Variants in ADGRL2 observed in about 807,000 individuals in gnomAD.
The protein encoded by ADGRL2 is calcium-independent alpha-latrotoxin receptor 2.
Under a neutral mutation model 157.4 loss-of-function variants are expected in ADGRL2, and 44 were observed. That is an observed-to-expected ratio of 0.28 (90% CI 0.22 to 0.36). The LOEUF (loss-of-function observed/expected upper bound fraction) is 0.36, where lower values mean the gene tolerates loss of function less well. Ranked by LOEUF, ADGRL2 falls within the 10% of genes least tolerant of loss-of-function variation. The pLI is 1.00. For missense variants in ADGRL2, 1,510 were observed against 1,768.9 expected (o/e 0.85, Z 2.63); for synonymous variants, 585 against 624.7 (o/e 0.94, Z 0.95).
At chr1:81,966,207 T>G in intron 12 of ADGRL2, 24 bp downstream of exon 12, 1 of 1,613,518 alleles carries the variant, frequency 6.2e-7, no homozygotes, top group Non-Finnish European at 8.5e-7. Context: ...CTTTTAAAAA[T>G]TGACAGTTTT....
At chr1:81,780,356 A>T (rs1289273635) in intron 2 of ADGRL2, among the ~76,000 whole-genome samples, 1 of 152,204 alleles carries the variant, frequency 6.6e-6, no homozygotes, top group Admixed American at 6.5e-5. Flanking sequence ...GGTGGATTCT[A>T]TTCCTGACCA....
intron 1 of ADGRL2, among the ~76,000 whole-genome samples, chr1:81,812,684 A>T (rs781279957): frequency 4.0e-5 from 6 of 151,820 alleles, no homozygotes; most frequent in Non-Finnish European, 7.4e-5. Flanking sequence ...AACATATCAA[A>T]GTGTATTACA....
chr1:81,392,785 ACT>A (rs2076582677), intron 1 of ADGRL2, among the ~76,000 whole-genome samples: 1 of 151,972 alleles, frequency 6.6e-6, no homozygotes, highest in African/African-American at 2.4e-5. Flanking sequence ...GGTGGGTAAA[ACT>A]ATATATGTTT....
intron 3 of ADGRL2, among the ~76,000 whole-genome samples, chr1:81,632,082 C>T (rs2082020630): frequency 6.6e-6 from 1 of 152,096 alleles, no homozygotes; most frequent in South Asian, 2.1e-4. Context: ...TCAATTAAAT[C>T]CTTTACCAAG....
chr1:81,814,383 T>C (rs569512948), intron 1 of ADGRL2, among the ~76,000 whole-genome samples: 8 of 151,620 alleles, frequency 5.3e-5, no homozygotes, highest in African/African-American at 1.9e-4. Flanking sequence ...GTATTATGTA[T>C]TAAGAGGGTA....
At chr1:81,588,462 G>T (rs921950050) in intron 3 of ADGRL2, 1 of 152,160 alleles carries the variant, frequency 6.6e-6, no homozygotes, top group Non-Finnish European at 1.5e-5. Context: ...AGATAAAGAT[G>T]AGTAAATCAA....
At chr1:81,950,961 C>T (rs531782560) in intron 7 of ADGRL2, 57 bp from the exon 8 acceptor site, 48 of 1,077,246 alleles carry the variant, frequency 4.5e-5, no homozygotes, top group South Asian at 3.5e-4. Context: ...AGCTGATTCC[C>T]GAATGCATGC....
chr1:81,964,941 T>A (rs1371477689), intron 11 of ADGRL2, among the ~76,000 whole-genome samples: 1 of 152,192 alleles, frequency 6.6e-6, no homozygotes, highest in Non-Finnish European at 1.5e-5. Flanking sequence ...AATGTACTTT[T>A]CCATTCCTTT....
chr1:81,307,414 T>G (rs1659419818), intron 1 of ADGRL2, among the ~76,000 whole-genome samples: 1 of 152,204 alleles, frequency 6.6e-6, no homozygotes, highest in South Asian at 2.1e-4. Flanking sequence ...TAAAACATAC[T>G]GAAATGTCAT....
intron 1 of ADGRL2, among the ~76,000 whole-genome samples, chr1:81,701,762 A>G (rs1317831058): frequency 6.6e-6 from 1 of 152,234 alleles, no homozygotes; most frequent in Non-Finnish European, 1.5e-5. Context: ...TTTATGGAGC[A>G]CCCATTTCTG....
chr1:81,672,332 T>G (rs547689516), intron 3 of ADGRL2, among the ~76,000 whole-genome samples: 2 of 152,328 alleles, frequency 1.3e-5, no homozygotes, highest in African/African-American at 4.8e-5. Context: ...AGCTCTTTCA[T>G]GTTGCTTTCT....
chr1:81,562,026 T>G (rs1289897534), intron 2 of ADGRL2, among the ~76,000 whole-genome samples: 2 of 152,154 alleles, frequency 1.3e-5, no homozygotes, highest in Non-Finnish European at 2.9e-5. Context: ...GCTAAAATAC[T>G]TTAAAACTCT....
intron 2 of ADGRL2, among the ~76,000 whole-genome samples, chr1:81,536,374 A>G (rs2079737582): frequency 1.3e-5 from 2 of 152,228 alleles, no homozygotes; most frequent in South Asian, 4.1e-4. Flanking sequence ...CCATGTGAAC[A>G]ATCGTTGCAC....
chr1:81,651,995 C>G (rs1013727036), intron 3 of ADGRL2, among the ~76,000 whole-genome samples: 1 of 152,058 alleles, frequency 6.6e-6, no homozygotes, highest in African/African-American at 2.4e-5. Context: ...GCGTGAGGCA[C>G]CACACCACAG....
intron 3 of ADGRL2, among the ~76,000 whole-genome samples, chr1:81,671,586 C>T (rs570719187): frequency 3.0e-4 from 46 of 151,934 alleles, no homozygotes; most frequent in Non-Finnish European, 8.8e-5. Flanking sequence ...AATCTCAGCT[C>T]ACAGCAACCT....
intron 2 of ADGRL2, among the ~76,000 whole-genome samples, chr1:81,850,210 T>A (rs2092950113): frequency 6.6e-6 from 1 of 151,856 alleles, no homozygotes; most frequent in Non-Finnish European, 1.5e-5. Context: ...TTCACTGGAG[T>A]CTTACAGCTG....
chr1:81,821,824 A>G (rs1005089877), intron 1 of ADGRL2, among the ~76,000 whole-genome samples: 3 of 152,110 alleles, frequency 2.0e-5, no homozygotes, highest in Non-Finnish European at 4.4e-5. Context: ...TAATATTCAG[A>G]TATCTTTCTG....
intron 2 of ADGRL2, among the ~76,000 whole-genome samples, chr1:81,569,468 G>A (rs1197557406): frequency 6.6e-6 from 1 of 152,176 alleles, no homozygotes. Flanking sequence ...GGATGGCTTA[G>A]TTTGTTGGTT....
At position 81,943,589 on chromosome 1, in the gene ADGRL2, A is replaced by G. The variant is rs1428669133; in HGVS notation, c.1030A>G (p.Ile344Val). ...DNESETGKNS[I>V]DYIYNTRLNR... ...TGAAAGTGAAACAGGCAAGAACTCA[A>G]TTGATTACATTTATAATACCCGATT... The change falls in exon 6 of 24, where the codon ATT becomes GTT. Residue 344 changes from isoleucine (I) to valine (V), a missense_variant. Physicochemically the swap from Ile to Val is conservative, Grantham distance 29 (BLOSUM62 3). Coordinates refer to ENST00000686636, the MANE Select transcript of ADGRL2 (RefSeq NM_001366006.2). This position sits in a 1 kb window ranked among gnomAD's most constrained non-coding sequence, Gnocchi z 5.6. 22 of 1,613,654 alleles carry G rather than the reference A, an allele frequency of 1.4e-5. No individual in the cohort carries two copies. The highest frequency in any genetic ancestry group is 2.7e-5 in the African/African-American group (2 of 74,898).
Sources: allele counts gnomAD v4.1 joint callset (sites outside exome capture counted in the v4.1 genomes callset), GRCh38; gene constraint gnomAD v4.1.1; non-coding constraint Gnocchi (gnomAD v3.1); transcripts MANE v1.5; gene names NCBI Gene and HGNC (gene_info 2026-07-23, HGNC 2026-07-21).